The following SEC16A variants were observed in gnomAD, a reference collection of about 807,000 sequenced individuals.
The protein encoded by SEC16A is protein transport protein Sec16A.
In SEC16A, 110 loss-of-function variants were observed where a neutral mutation model predicts 221.9. The observed-to-expected ratio is 0.50, with a 90% confidence interval of 0.42 to 0.58. The LOEUF is 0.58. SEC16A is among the 20% of genes least tolerant of loss of function. The probability of loss-of-function intolerance (pLI) is 0.00; values close to 1 mark genes in which losing one functional copy is unlikely to be tolerated. For synonymous variants in SEC16A, 1,393 were observed against 1,257.7 expected (o/e 1.11, Z -2.28); for missense variants, 3,165 against 3,097.8 (o/e 1.02, Z -0.52).
At chr9:136,446,193 C>A (rs1248736395) in intron 28 of SEC16A, among the ~76,000 whole-genome samples, 4 of 151,246 alleles carry the variant, frequency 2.6e-5, no homozygotes, top group Admixed American at 2.6e-4. Flanking sequence ...GCAACCTCTG[C>A]CTCCTGGGTC....
chr9:136,471,943 CAG>C lies in SEC16A; in HGVS notation c.3704+30_3704+31del, dbSNP rs748867216. The stretch of plus-strand genomic sequence containing the variant: ...AACACAGACATGGGTCTGAGTAGGA[CAG>C]AGAGGCAGCCAGGGTGGGCGCGGCC... On this transcript the variant is annotated intron_variant, in intron 4 of 31. Transcript: ENST00000684901. 3.7e-6 allele frequency: 6 copies of C among 1,608,258 alleles called. No individual in the cohort carries two copies. The African/African-American group carries it at 5.3e-5, about 14-fold the overall frequency.
rs72775771 is a variant in SEC16A, at chr9:136,445,785, A to G, written c.6793-66T>C. The G allele has an allele frequency of 3.3e-3, 4,367 of 1,330,084 alleles. 13 individuals are homozygous for G. Among genetic ancestry groups the G allele is most frequent in the Non-Finnish European group, 4.1e-3 (3,927 of 955,476 alleles). The allele number at this position is 1,330,084 out of a possible 1,614,324, so 82.4% of individuals were successfully genotyped here. On this transcript the variant is annotated intron_variant, in intron 28 of 31. Transcript: ENST00000684901. ...GAATTTAAGTCTCTCACACCAGGCC[A>G]AAAAATATGAAACTGTTCTGGCCTG...
rs574021886 is a variant in SEC16A, at chr9:136,482,900, TCCCGCGCTCGCCCCCTCA to T, written c.-192+20_-192+37del. The T allele has an allele frequency of 1.5e-3, 1,355 of 880,488 alleles. 9 individuals are homozygous for T. In the African/African-American group the frequency reaches 0.021, roughly 14 times the overall value. 54.5% of individuals were successfully genotyped at this position (880,488 alleles called of 1,614,324 possible). A position where few individuals can be genotyped will look rare whatever the true frequency, so the allele number is the denominator to read the frequency against. ...CGCCGGCCGGCCTCCGCCTTCCTCC[TCCCGCGCTCGCCCCCTCA>T]CCCGCGCTCGCCCCCTCACCCGCGC... On this transcript the variant is annotated intron_variant, in intron 1 of 31. Transcript: ENST00000684901.
chr9:136,470,924 G>C (rs920749617), intron 4 of SEC16A, among the ~76,000 whole-genome samples: 4 of 152,200 alleles, frequency 2.6e-5, no homozygotes, highest in Non-Finnish European at 5.9e-5. Context: ...GTGCAGCTAA[G>C]GCCCTGGAAG....
At chr9:136,482,458 A>ACT (rs1842507270) in intron 1 of SEC16A, among the ~76,000 whole-genome samples, 1 of 151,854 alleles carries the variant, frequency 6.6e-6, no homozygotes, top group Non-Finnish European at 1.5e-5. Context: ...GATCACACAC[A>ACT]CTCCTCTAAC....
At chr9:136,467,340 GC>G (rs1378253082) in intron 5 of SEC16A, among the ~76,000 whole-genome samples, 1 of 152,178 alleles carries the variant, frequency 6.6e-6, no homozygotes, top group Admixed American at 6.5e-5. Context: ...TAGAAAAGGT[GC>G]TAAAAGATTT....
chr9:136,471,487 G>C (rs1369668576), intron 4 of SEC16A, among the ~76,000 whole-genome samples: 2 of 152,128 alleles, frequency 1.3e-5, no homozygotes, highest in Non-Finnish European at 2.9e-5. Context: ...GAAAAAAAAA[G>C]AAGAGGAAAC....
rs1841414809 is a variant in SEC16A, at chr9:136,474,894, G to A, written c.2722C>T (p.Pro908Ser). Residue 908 changes from proline to serine, a missense_variant, in exon 3 of 32, where the codon CCA becomes TCA. By Grantham distance (74) the Pro-to-Ser change is moderately conservative. Transcript: ENST00000684901. Reference protein sequence around the residue: ...LPSSVAQSNFPQGSGASEMVS... With the variant: ...LPSSVAQSNFSQGSGASEMVS... Reference sequence around the variant, plus strand: ...ATTTCGGAAGCACCAGAACCTTGTGGAAAATTACTTTGGGCAACACTGCTA... The same window carrying A: ...ATTTCGGAAGCACCAGAACCTTGTGAAAAATTACTTTGGGCAACACTGCTA... The A allele has an allele frequency of 6.2e-7, 1 of 1,613,868 alleles. No individual in the cohort carries two copies. The highest frequency in any genetic ancestry group is 8.5e-7 in the Non-Finnish European group (1 of 1,179,874).
upstream of SEC16A, chr9:136,483,420 C>A: frequency 1.3e-6 from 1 of 760,456 alleles, no homozygotes; most frequent in Non-Finnish European, 1.6e-6. Flanking sequence ...TCCGCCTCAT[C>A]CTGTCGTTCC....
rs1244117114 is a variant in SEC16A, at chr9:136,447,091, C to A, written c.6697+136G>T. ...AACAGGCAAATCAAAAAAAAAACCA[C>A]AAACCAACCCCAGGCTCTCTGCATG... On this transcript the variant is annotated intron_variant, in intron 27 of 31. Coordinates refer to ENST00000684901, the MANE Select transcript of SEC16A (RefSeq NM_014866.2). This position sits in a 1 kb window ranked among gnomAD's most constrained non-coding sequence, Gnocchi z 5.5. The A allele has an allele frequency of 6.6e-7, 1 of 1,514,894 alleles. No individual in the cohort carries two copies. The highest frequency in any genetic ancestry group is 8.8e-7 in the Non-Finnish European group (1 of 1,132,910). The allele number at this position is 1,514,894 out of a possible 1,614,324, so 93.8% of individuals were successfully genotyped here. A position where few individuals can be genotyped will look rare whatever the true frequency, so the allele number is the denominator to read the frequency against.
chr9:136,457,169 C>T (rs572085527), intron 18 of SEC16A, among the ~76,000 whole-genome samples: 2 of 152,290 alleles, frequency 1.3e-5, no homozygotes, highest in South Asian at 2.1e-4. Context: ...AGTGAGACTG[C>T]GTCTCAATAA....
chr9:136,448,895 CAG>C (rs993845677), intron 23 of SEC16A: 6 of 693,170 alleles, frequency 8.7e-6, no homozygotes, highest in African/African-American at 7.0e-5. Flanking sequence ...TTCAAGGAGA[CAG>C]AGTTTCTGTT....
intron 21 of SEC16A, among the ~76,000 whole-genome samples, chr9:136,453,888 A>C (rs1838230650): frequency 6.6e-6 from 1 of 152,226 alleles, no homozygotes; most frequent in South Asian, 2.1e-4. Flanking sequence ...TTTAAGCTTC[A>C]CAACAAAAAG....
At chr9:136,484,539 G>T (rs749874800), upstream of SEC16A, 5 of 1,296,398 alleles carry the variant, frequency 3.9e-6, no homozygotes, top group Non-Finnish European at 4.1e-6. Flanking sequence ...GGCAGGCGCC[G>T]TGGTGGGGGT....
chr9:136,484,674 C>T (rs771739009), upstream of SEC16A: 1 of 1,366,256 alleles, frequency 7.3e-7, no homozygotes, highest in African/African-American at 1.5e-5. Flanking sequence ...ATCCGTGCCA[C>T]GCCAGCAGGG....
intron 4 of SEC16A, among the ~76,000 whole-genome samples, chr9:136,470,021 A>G (rs1389183860): frequency 1.3e-5 from 2 of 152,260 alleles, no homozygotes; most frequent in Non-Finnish European, 2.9e-5. Context: ...GGAGCAACAC[A>G]GTCTCAAAAA....
chr9:136,482,229 G>A (rs1393103243), intron 1 of SEC16A, among the ~76,000 whole-genome samples: 3 of 152,236 alleles, frequency 2.0e-5, no homozygotes, highest in African/African-American at 7.2e-5. Context: ...AGGAAGAACC[G>A]TCTGCGGTTC....
intron 30 of SEC16A, among the ~76,000 whole-genome samples, chr9:136,444,499 C>A (rs1029751702): frequency 2.6e-5 from 4 of 152,204 alleles, no homozygotes; most frequent in East Asian, 3.8e-4. Flanking sequence ...ATTGGAAAAA[C>A]CAATTTGGAA....
chr9:136,447,602 C>T lies in SEC16A; in HGVS notation c.6526G>A (p.Gly2176Arg), dbSNP rs1837190689. The T allele has an allele frequency of 6.2e-7, 1 of 1,613,734 alleles. No homozygotes were observed. Among genetic ancestry groups the T allele is most frequent in the African/African-American group, 1.3e-5 (1 of 74,936 alleles). The change falls in exon 26 of 32, where the codon GGA becomes AGA. Residue 2176 changes from glycine (G) to arginine (R), a missense_variant. By Grantham distance (125) the Gly-to-Arg change is moderately radical. This residue lies in a region of SEC16A where 1,088 missense variants were observed against 1,089.6 expected (regional missense o/e 1.00). Transcript: ENST00000684901. This position sits in a 1 kb window ranked among gnomAD's most constrained non-coding sequence, Gnocchi z 5.5. ...AAPPALPGPP[G>R]APVNMYSRRA... ...CTAGAGTACATGTTCACGGGGGCTC[C>T]AGGAGGCCCTGGGAGGGCAGGCGGG...
Sources: gnomAD v4.1 joint callset for allele counts (sites outside exome capture counted in the v4.1 genomes callset) on GRCh38, gnomAD v4.1.1 for gene constraint, gnomAD v4.1.1 regional missense constraint, Gnocchi (gnomAD v3.1) non-coding constraint, MANE v1.5 for transcripts, NCBI Gene and HGNC (gene_info 2026-07-23, HGNC 2026-07-21) for gene names.